The following MYZAP variants were observed in gnomAD, a reference collection of about 807,000 sequenced individuals.
MYZAP encodes GRINL1A complex locus upstream.
MYZAP carries 66 observed loss-of-function variants against 69.4 expected under a neutral mutation model. The ratio of observed to expected loss-of-function variants is 0.95; its 90% CI spans 0.78 to 1.17. The LOEUF (loss-of-function observed/expected upper bound fraction) is 1.17, where lower values mean the gene tolerates loss of function less well. MYZAP is among the 50% of genes most tolerant of loss of function. The pLI is 0.00. For missense variants in MYZAP, 611 were observed against 556.2 expected, an observed-to-expected ratio of 1.10 and a Z score of -0.99; for synonymous variants, 256 against 205.9, an observed-to-expected ratio of 1.24 and a Z score of -2.09.
intron 5 of MYZAP, 139 bp from the exon 6 acceptor site, chr15:57,629,563 A>T: frequency 1.7e-6 from 2 of 1,184,196 alleles, no homozygotes; most frequent in African/African-American, 1.6e-5. Flanking sequence ...CTCACAGCAC[A>T]GGGTCCCAGA....
At position 57,632,448 on chromosome 15, in the gene MYZAP, A is replaced by G; in HGVS notation, c.693A>G (p.Gln231=). 1 of 1,614,182 alleles carries G rather than the reference A, an allele frequency of 6.2e-7. No homozygotes were observed. Among genetic ancestry groups the G allele is most frequent in the Non-Finnish European group, 8.5e-7 (1 of 1,180,022 alleles). ...QLLKMKVESS[Q]EANAEVMREM... ...TCTCGTTGTAGGTGGAATCGTCCCA[A>G]GAAGCCAATGCTGAGGTGATGCGAG... Residue 231 remains glutamine (Q), a synonymous_variant, in exon 7 of 13, where the codon CAA becomes CAG. Coordinates refer to ENST00000267853, the MANE Select transcript of MYZAP (RefSeq NM_001018100.5).
At chr15:57,623,789 T>C (rs1465104190) in intron 4 of MYZAP, among the ~76,000 whole-genome samples, 2 of 140,946 alleles carry the variant, frequency 1.4e-5, no homozygotes, top group Non-Finnish European at 1.5e-5. Context: ...ATAGAATATA[T>C]GCAGTTGTAA....
At chr15:57,620,378 TC>T (rs2035734333) in intron 3 of MYZAP, among the ~76,000 whole-genome samples, 1 of 152,314 alleles carries the variant, frequency 6.6e-6, no homozygotes, top group South Asian at 2.1e-4. Context: ...TTTAGGCCCT[TC>T]CTAAAACAGA....
chr15:57,668,698 G>C (rs1386888585), intron 11 of MYZAP, among the ~76,000 whole-genome samples: 2 of 151,910 alleles, frequency 1.3e-5, no homozygotes, highest in African/African-American at 4.8e-5. Context: ...ATCTTTTGAA[G>C]TGTCTGTTCC....
At chr15:57,673,951 A>T (rs537760874) in intron 11 of MYZAP, among the ~76,000 whole-genome samples, 5 of 152,360 alleles carry the variant, frequency 3.3e-5, no homozygotes, top group African/African-American at 1.2e-4. Context: ...AAATTTATTT[A>T]TTTAGCAAAT....
chr15:57,666,433 C>A (rs1595928361), intron 11 of MYZAP, among the ~76,000 whole-genome samples: 1 of 152,236 alleles, frequency 6.6e-6, no homozygotes, highest in South Asian at 2.1e-4. Context: ...ATTTTAGTCC[C>A]TGGATTCATC....
At chr15:57,606,448 A>G (rs1450739172) in intron 2 of MYZAP, among the ~76,000 whole-genome samples, 1 of 152,156 alleles carries the variant, frequency 6.6e-6, no homozygotes, top group Non-Finnish European at 1.5e-5. Context: ...TTTGTTGCAG[A>G]TAAGAGACTA....
At chr15:57,644,752 C>T (rs1195314279) in intron 10 of MYZAP, among the ~76,000 whole-genome samples, 3 of 152,184 alleles carry the variant, frequency 2.0e-5, no homozygotes, top group Non-Finnish European at 4.4e-5. Flanking sequence ...AGGCGTGAGC[C>T]ACTACACCTG....
At chr15:57,597,704 C>T (rs1194725400) in intron 1 of MYZAP, among the ~76,000 whole-genome samples, 1 of 152,166 alleles carries the variant, frequency 6.6e-6, no homozygotes, top group Admixed American at 6.5e-5. Context: ...TTCACAGGGG[C>T]CTGCAAAACC....
intron 4 of MYZAP, among the ~76,000 whole-genome samples, 161 bp downstream of exon 4, chr15:57,621,861 T>C (rs1159655767): frequency 6.6e-6 from 1 of 152,192 alleles, no homozygotes; most frequent in African/African-American, 2.4e-5. Flanking sequence ...ATGAAATTTA[T>C]TACCTAAAGG....
intron 6 of MYZAP, among the ~76,000 whole-genome samples, chr15:57,630,942 G>C (rs2036464445): frequency 6.6e-6 from 1 of 152,148 alleles, no homozygotes; most frequent in African/African-American, 2.4e-5. Context: ...ACAGGGGTAG[G>C]CTGGGTGGGG....
Position 57,593,470 on chromosome 15 carries a change from T to A in MYZAP, c.75+1361T>A, listed in dbSNP as rs150563324. ...GGATCATATGTGTGACCAGACTGCA[T>A]GAATTGCATGAAATTCTCTGTAACT... On this transcript the variant is annotated intron_variant, in intron 1 of 12. Transcript: ENST00000267853. Among the ~76,000 whole-genome samples, 288 of 152,344 alleles carry A rather than the reference T, an allele frequency of 1.9e-3. 1 individual carries two copies. The highest frequency in any genetic ancestry group is 6.1e-3 in the African/African-American group (252 of 41,590).
chr15:57,634,423 A>G (rs944584153), intron 8 of MYZAP, among the ~76,000 whole-genome samples: 4 of 152,124 alleles, frequency 2.6e-5, no homozygotes, highest in African/African-American at 7.2e-5. Flanking sequence ...GTTTCTGGGA[A>G]TGGCTCCCTG....
At chr15:57,619,037 T>C (rs1168741455) in intron 3 of MYZAP, among the ~76,000 whole-genome samples, 1 of 152,220 alleles carries the variant, frequency 6.6e-6, no homozygotes, top group Non-Finnish European at 1.5e-5. Context: ...AAGTCACTTT[T>C]GCTCTGTGCA....
At chr15:57,677,188 CG>C (rs1352401053) in intron 12 of MYZAP, among the ~76,000 whole-genome samples, 2 of 152,132 alleles carry the variant, frequency 1.3e-5, no homozygotes, top group South Asian at 4.2e-4. Context: ...TCGGGATGCC[CG>C]GGGGGATGAG....
At chr15:57,657,595 T>G (rs780848100) in intron 10 of MYZAP, among the ~76,000 whole-genome samples, 30 of 152,230 alleles carry the variant, frequency 2.0e-4, no homozygotes, top group Non-Finnish European at 3.8e-4. Flanking sequence ...ATTTCATAAT[T>G]TATTACCCTT....
At chr15:57,681,787 A>G (rs1445783860) in intron 12 of MYZAP, among the ~76,000 whole-genome samples, 1 of 152,130 alleles carries the variant, frequency 6.6e-6, no homozygotes, top group Non-Finnish European at 1.5e-5. Flanking sequence ...TTGGTCTCAA[A>G]AAAAAAAAGC....
Position 57,676,926 on chromosome 15 carries a change from A to G in MYZAP, c.1304+1858A>G, listed in dbSNP as rs548602490. The stretch of plus-strand genomic sequence containing the variant: ...AATGTAACATTTGGTTTCCCCCCGG[A>G]TCCATCTTAGCAGTTTAACTACCTA... On this transcript the variant is annotated intron_variant, in intron 12 of 12. Transcript: ENST00000267853. 4.6e-5 allele frequency among the ~76,000 whole-genome samples: 7 copies of G among 152,360 alleles called. No individual in the cohort carries two copies. In the South Asian group the frequency reaches 1.2e-3, roughly 27 times the overall value.
At position 57,632,687 on chromosome 15, in the gene MYZAP, A is replaced by G. The variant is rs1595890144; in HGVS notation, c.804+128A>G. ...AGACTCAGCCATGGGTAAGGGATCA[A>G]GGAATTATTCATCTGCTCATTCACT... is the stretch of plus-strand genomic sequence containing the variant. On this transcript the variant is annotated intron_variant, in intron 7 of 12. Coordinates refer to ENST00000267853, the MANE Select transcript of MYZAP (RefSeq NM_001018100.5). 2.1e-6 allele frequency: 3 copies of G among 1,456,758 alleles called. No individual in the cohort carries two copies. In the East Asian group the frequency reaches 6.9e-5, roughly 34 times the overall value. 90.2% of individuals were successfully genotyped at this position (1,456,758 alleles called of 1,614,324 possible).
Sources: allele counts gnomAD v4.1 joint callset (sites outside exome capture counted in the v4.1 genomes callset), GRCh38; gene constraint gnomAD v4.1.1; transcripts MANE v1.5; gene names NCBI Gene and HGNC (gene_info 2026-07-23, HGNC 2026-07-21).